SYNGR3: variants seen among roughly 807,000 people sequenced by gnomAD.
SYNGR3 encodes the protein synaptogyrin 3.
In SYNGR3, 10 loss-of-function variants were observed where a neutral mutation model predicts 18.5. That is an observed-to-expected ratio of 0.54 (90% confidence interval 0.33 to 0.92). SYNGR3 has a LOEUF of 0.92. Among genes scored for constraint, SYNGR3 ranks in the 40% least tolerant of loss-of-function variants. SYNGR3 has a pLI of 0.02. For synonymous variants in SYNGR3, 188 were observed against 157.2 expected (o/e 1.20, Z -1.47); for missense variants, 335 against 332.8 (o/e 1.01, Z -0.05).
chr16:1,992,244 C>G, intron 2 of SYNGR3, 33 bp downstream of exon 2: 1 of 470,474 alleles, frequency 2.1e-6, no homozygotes, highest in South Asian at 3.1e-5. Context: ...GCGCGGAGAG[C>G]CTTCCGGGTG....
At chr16:1,990,615 A>G in intron 1 of SYNGR3, 1 of 387,508 alleles carries the variant, frequency 2.6e-6, no homozygotes, top group South Asian at 1.7e-5. Flanking sequence ...CTTCCCCCGC[A>G]CACACACCCT....
At chr16:1,992,524 G>T (rs545394518) in intron 2 of SYNGR3, 112 bp from the exon 3 acceptor site, 18,979 of 1,358,350 alleles carry the variant, frequency 0.014, 172 homozygotes, top group Non-Finnish European at 0.016. Flanking sequence ...GCCACGCGGC[G>T]AGCCCAGGCG....
At chr16:1,991,779 A>G in intron 1 of SYNGR3, 195 bp from the exon 2 acceptor site, 1 of 558,980 alleles carries the variant, frequency 1.8e-6, no homozygotes, top group Non-Finnish European at 3.1e-6. Context: ...GTCTGGGCAT[A>G]GTAGATGCTC....
Position 1,992,115 on chromosome 16 carries a change from G to C in SYNGR3, c.241G>C (p.Ala81Pro), listed in dbSNP as rs1225637725. 6.4e-7 allele frequency: 1 copy of C among 1,554,248 alleles called. No homozygotes were observed. The highest frequency in any genetic ancestry group is 8.7e-7 in the Non-Finnish European group (1 of 1,152,446). ...GVALGLGAFL[A>P]CAAFLLLDVR... ...CGCGCTGGGCCTCGGAGCCTTCCTC[G>C]CCTGCGCCGCCTTCCTGCTGCTCGA... The change falls in exon 2 of 4, where the codon GCC (alanine) becomes CCC (proline). Residue 81 changes from alanine (A) to proline (P), a missense_variant. By Grantham distance (27) the Ala-to-Pro change is conservative. Coordinates refer to ENST00000248121, the MANE Select transcript of SYNGR3 (RefSeq NM_004209.6).
rs1204908524 is a variant in SYNGR3, at chr16:1,993,462, C to G, written c.*390C>G. 1 of 494,712 alleles carries G rather than the reference C, an allele frequency of 2.0e-6. No homozygotes were observed. Among genetic ancestry groups the G allele is most frequent in the Admixed American group, 2.3e-5 (1 of 43,568 alleles). 30.6% of individuals were successfully genotyped at this position (494,712 alleles called of 1,614,324 possible). On this transcript the variant is annotated 3_prime_UTR_variant, in exon 4 of 4. Transcript: ENST00000248121. ...ACAAAGCGGGGGCAGGGGAAAGACACCACCCTCGCCCCAAGACTGGGGATC... is the reference window on the plus strand; with the variant it reads ...ACAAAGCGGGGGCAGGGGAAAGACAGCACCCTCGCCCCAAGACTGGGGATC...
At chr16:1,990,433 G>A in intron 1 of SYNGR3, 1 of 482,528 alleles carries the variant, frequency 2.1e-6, no homozygotes, top group Non-Finnish European at 3.8e-6. Flanking sequence ...GGGACCTTGA[G>A]AGGTCACCGC....
chr16:1,991,702 G>A (rs1184449613), intron 1 of SYNGR3: 3 of 484,562 alleles, frequency 6.2e-6, no homozygotes, highest in Non-Finnish European at 7.3e-6. Flanking sequence ...AAGAACAATG[G>A]CGATCCCACG....
chr16:1,992,805 G>T (rs772579242), intron 3 of SYNGR3, 27 bp downstream of exon 3: 137 of 1,509,676 alleles, frequency 9.1e-5, no homozygotes, highest in Non-Finnish European at 1.1e-4. Flanking sequence ...GGAGGGCGGG[G>T]CGAAGGGGCG....
rs1052845841 is a variant in SYNGR3, at chr16:1,992,015, C to T, written c.141C>T (p.Gly47=). 84 of 1,592,776 alleles carry T rather than the reference C, an allele frequency of 5.3e-5. No homozygotes were observed. Among genetic ancestry groups the T allele is most frequent in the Non-Finnish European group, 6.7e-5 (79 of 1,171,504 alleles). ...TCTTCGGGCCCATCGTCAACGAGGG[C>T]TACGTGAACACCGACAGCGGCCCCG... ...IAVFGPIVNE[G]YVNTDSGPEL... is the part of the protein sequence containing the mutation. Residue 47 remains glycine, a synonymous_variant, in exon 2 of 4, where the codon GGC becomes GGT. Transcript: ENST00000248121.
chr16:1,991,772 T>C (rs904391155), intron 1 of SYNGR3: 1 of 547,234 alleles, frequency 1.8e-6, no homozygotes, highest in Admixed American at 3.6e-5. Context: ...ACACAATGTC[T>C]GGGCATAGTA....
Position 1,991,926 on chromosome 16 carries a change from C to G in SYNGR3, c.100-48C>G, listed in dbSNP as rs776594632. ...GGGGCGTGGGCGCTCGAGGCGGGCT[C>G]GCAGAGGTCGGGTCGCCGCAGGGCC... is the stretch of plus-strand genomic sequence containing the variant. On this transcript the variant is annotated intron_variant, in intron 1 of 3. Transcript: ENST00000248121. 6.6e-6 allele frequency: 10 copies of G among 1,516,674 alleles called. No individual in the cohort carries two copies. In the East Asian group the frequency reaches 2.5e-4, roughly 38 times the overall value. 94.0% of individuals were successfully genotyped at this position (1,516,674 alleles called of 1,614,324 possible). A position where few individuals can be genotyped will look rare whatever the true frequency, so the allele number is the denominator to read the frequency against.
rs971326902 is a variant in SYNGR3, at chr16:1,993,161, C to T, written c.*89C>T. ...GGACCTCCCTTGGGTCCTTCCAGCT[C>T]AGTGCCGCGGACAGAGTAGGTGGCC... On this transcript the variant is annotated 3_prime_UTR_variant, in exon 4 of 4. Coordinates refer to ENST00000248121, the MANE Select transcript of SYNGR3 (RefSeq NM_004209.6). 3.4e-6 allele frequency: 5 copies of T among 1,469,286 alleles called. No individual in the cohort carries two copies. The highest frequency in any genetic ancestry group is 4.6e-6 in the Non-Finnish European group (5 of 1,085,852). The allele number at this position is 1,469,286 out of a possible 1,614,324, so 91.0% of individuals were successfully genotyped here. A position where few individuals can be genotyped will look rare whatever the true frequency, so the allele number is the denominator to read the frequency against.
rs1357014945 is a variant in SYNGR3, at chr16:1,992,880, G to A, written c.498G>A (p.Lys166=). 1 of 1,586,336 alleles carries A rather than the reference G, an allele frequency of 6.3e-7. No individual in the cohort carries two copies. Residue 166 remains lysine, a synonymous_variant, in exon 4 of 4, where the codon AAG becomes AAA. Transcript: ENST00000248121. The part of the protein sequence containing the change: ...SILSWVALTV[K]ALQRFRLGTD... ...CCGCGCAGGTGGCGCTCACCGTGAA[G>A]GCCCTGCAGCGGTTCCGCCTGGGCA...
chr16:1,991,916 G>A, intron 1 of SYNGR3, 58 bp from the exon 2 acceptor site: 1 of 1,479,756 alleles, frequency 6.8e-7, no homozygotes, highest in African/African-American at 1.4e-5. Context: ...GTGGGCGCTC[G>A]AGGCGGGCTC....
In SYNGR3 at chr16:1,991,826, G is replaced by C. The variant is rs1314151348; in HGVS notation, c.100-148G>C. The C allele has an allele frequency of 6.3e-6, 4 of 636,532 alleles. No homozygotes were observed. The African/African-American group carries it at 7.8e-5, about 12-fold the overall frequency. 39.4% of individuals were successfully genotyped at this position (636,532 alleles called of 1,614,324 possible). A position where few individuals can be genotyped will look rare whatever the true frequency, so the allele number is the denominator to read the frequency against. Reference sequence around the variant, plus strand: ...CGTGTTGTCAATAATTACTAAATACGCGAGGGTTCGGGAAAGAAAGAGGTG... The same window carrying C: ...CGTGTTGTCAATAATTACTAAATACCCGAGGGTTCGGGAAAGAAAGAGGTG... On this transcript the variant is annotated intron_variant, in intron 1 of 3. Coordinates refer to ENST00000248121, the MANE Select transcript of SYNGR3 (RefSeq NM_004209.6).
intron 2 of SYNGR3, 109 bp from the exon 3 acceptor site, chr16:1,992,527 C>G: frequency 7.3e-7 from 1 of 1,373,644 alleles, no homozygotes; most frequent in Admixed American, 3.1e-5. Flanking sequence ...ACGCGGCGAG[C>G]CCAGGCGAGG....
chr16:1,990,543 G>A (rs781605105), intron 1 of SYNGR3: 40 of 465,252 alleles, frequency 8.6e-5, no homozygotes, highest in African/African-American at 7.1e-4. Flanking sequence ...AAGCAGGGAC[G>A]GGGTGGGGAC....
intron 2 of SYNGR3, 138 bp from the exon 3 acceptor site, chr16:1,992,498 G>A: frequency 8.3e-7 from 1 of 1,204,884 alleles, no homozygotes; most frequent in Non-Finnish European, 1.1e-6. Flanking sequence ...CGCAGGAGAG[G>A]GAGGCGGGAC....
In SYNGR3 at chr16:1,992,638, C is replaced by G. The variant is rs199906519; in HGVS notation, c.340C>G (p.Leu114Val). Residue 114 changes from leucine (L) to valine (V), a missense_variant and splice_region_variant, in exon 3 of 4, where the codon CTC (leucine) becomes GTC (valine). Coordinates refer to ENST00000248121, the MANE Select transcript of SYNGR3 (RefSeq NM_004209.6). Reference protein sequence around the residue: ...AVLLDLGFSGLWSFLWFVGFC... With the variant: ...AVLLDLGFSGVWSFLWFVGFC... ...CTGACGCGCCGCACTGTTCGCAGGACTCTGGTCCTTCCTGTGGTTCGTGGG... is the reference window on the plus strand; with the variant it reads ...CTGACGCGCCGCACTGTTCGCAGGAGTCTGGTCCTTCCTGTGGTTCGTGGG... The G allele has an allele frequency of 5.6e-6, 9 of 1,604,514 alleles. No individual in the cohort carries two copies. The highest frequency in any genetic ancestry group is 2.3e-5 in the East Asian group (1 of 43,888).
Sources: gnomAD v4.1 joint callset for allele counts on GRCh38, gnomAD v4.1.1 for gene constraint, MANE v1.5 for transcripts, NCBI Gene and HGNC (gene_info 2026-07-23, HGNC 2026-07-21) for gene names.